MYO1H: variants seen among roughly 807,000 people sequenced by gnomAD.
MYO1H encodes the protein myosin IH.
A neutral mutation model predicts 149.3 loss-of-function variants in MYO1H; 118 were observed. The ratio of observed to expected loss-of-function variants is 0.79; its 90% CI spans 0.68 to 0.92. MYO1H has a LOEUF of 0.92. Among genes scored for constraint, MYO1H ranks in the 40% least tolerant of loss-of-function variants. The pLI is 0.00. For synonymous variants in MYO1H, 447 were observed against 465.2 expected (o/e 0.96, Z 0.50); for missense variants, 1,212 against 1,280.7 (o/e 0.95, Z 0.82).
At chr12:109,407,223 G>A (rs188531375) in intron 9 of MYO1H, among the ~76,000 whole-genome samples, 3 of 152,084 alleles carry the variant, frequency 2.0e-5, no homozygotes, top group East Asian at 1.9e-4. Context: ...CCACCTCTAC[G>A]TCAAAGCACC....
intron 1 of MYO1H, among the ~76,000 whole-genome samples, chr12:109,373,464 CATG>C (rs1869027339): frequency 1.3e-5 from 2 of 151,992 alleles, no homozygotes; most frequent in Admixed American, 6.6e-5. Context: ...TAATTTTTCA[CATG>C]ATCTATTGAT....
chr12:109,321,921 A>G, the MYO1H span, among the ~76,000 whole-genome samples: 1 of 151,916 alleles, frequency 6.6e-6, no homozygotes, highest in Non-Finnish European at 1.5e-5. Flanking sequence ...CCTTATGACC[A>G]CTCTCACCTC....
intron 9 of MYO1H, 94 bp from the exon 10 acceptor site, chr12:109,407,700 T>G (rs1319571673): frequency 1.5e-5 from 21 of 1,361,102 alleles, no homozygotes; most frequent in Non-Finnish European, 1.5e-5. Context: ...CCTGTCTCAT[T>G]ATTTTATTTT....
the MYO1H span, among the ~76,000 whole-genome samples, chr12:109,335,113 A>C: frequency 6.6e-6 from 1 of 152,214 alleles, no homozygotes; most frequent in African/African-American, 2.4e-5. Flanking sequence ...TCATGGCTGT[A>C]TAATAGTCTA....
At chr12:109,362,985 G>A (rs944920696) in intron 1 of MYO1H, among the ~76,000 whole-genome samples, 3 of 152,112 alleles carry the variant, frequency 2.0e-5, no homozygotes, top group African/African-American at 7.2e-5. Flanking sequence ...AGAGTCCCTC[G>A]TTCATAGCAC....
intron 22 of MYO1H, 110 bp from the exon 23 acceptor site, chr12:109,438,426 C>G (rs1871964362): frequency 1.3e-6 from 1 of 785,822 alleles, no homozygotes; most frequent in African/African-American, 1.7e-5. Flanking sequence ...TAACAGAGTG[C>G]TGCGGTGGGC....
intron 1 of MYO1H, among the ~76,000 whole-genome samples, chr12:109,376,741 C>T (rs1309118839): frequency 6.6e-6 from 1 of 152,180 alleles, no homozygotes; most frequent in East Asian, 1.9e-4. Context: ...CATCAGACAA[C>T]AATAAGCTGT....
rs1253548113 is a variant in MYO1H at position 109,443,353 on chromosome 12, T to TACAC, written c.2689-160_2689-159insCACA. On this transcript the variant is annotated intron_variant, in intron 27 of 31. Transcript: ENST00000310903. ...GTATGTGTACGTATATATGTGTGTATATACACACACACACACACACACACA... is the reference window on the plus strand; with the variant it reads ...GTATGTGTACGTATATATGTGTGTATACACATACACACACACACACACACACACA... 3.9e-4 allele frequency among the ~76,000 whole-genome samples: 36 copies of TACAC among 92,016 alleles called. 7 individuals carry two copies. The highest frequency in any genetic ancestry group is 2.3e-3 in the East Asian group (9 of 3,962). The allele number at this position is 92,016 out of a possible 152,430, so 60.4% of individuals were successfully genotyped here.
At position 109,375,156 on chromosome 12, in the gene MYO1H, A is replaced by ATT. The variant is rs71079553; in HGVS notation, c.13-13512_13-13511dup. Reference sequence around the variant, plus strand: ...AGGCGTAAGCCACCATGCCCGGCGGATTTTTTTTTTTTTTTTGACAAGGTC... The same window carrying ATT: ...AGGCGTAAGCCACCATGCCCGGCGGATTTTTTTTTTTTTTTTTTGACAAGGTC... On this transcript the variant is annotated intron_variant, in intron 1 of 31. Coordinates refer to ENST00000310903, the Ensembl canonical transcript of MYO1H. Among the ~76,000 whole-genome samples, 789 of 124,248 alleles carry ATT rather than the reference A, an allele frequency of 6.4e-3. 8 individuals carry two copies. The highest frequency in any genetic ancestry group is 0.011 in the Middle Eastern group (2 of 176). 81.5% of individuals were successfully genotyped at this position (124,248 alleles called of 152,430 possible).
intron 15 of MYO1H, among the ~76,000 whole-genome samples, chr12:109,418,916 GT>G (rs11315946): frequency 0.11 from 17,370 of 151,850 alleles, 1,508 homozygotes; most frequent in African/African-American, 0.24. Context: ...AGGTATTAGG[GT>G]TTTTTTTCTT....
intron 31 of MYO1H, chr12:109,446,328 C>T (rs755280484): frequency 5.3e-5 from 49 of 930,378 alleles, no homozygotes; most frequent in African/African-American, 9.2e-5. Flanking sequence ...TTGCTGAAAA[C>T]GACATGTTAA....
At chr12:109,332,222 T>C in the MYO1H span, among the ~76,000 whole-genome samples, 1 of 152,170 alleles carries the variant, frequency 6.6e-6, no homozygotes, top group Non-Finnish European at 1.5e-5. Context: ...AATGTAGTAT[T>C]TGGAAATTGC....
chr12:109,423,128 T>C (rs961684294), intron 16 of MYO1H, among the ~76,000 whole-genome samples: 2 of 152,046 alleles, frequency 1.3e-5, no homozygotes, highest in African/African-American at 4.8e-5. Context: ...GTGGTAAACA[T>C]ACATAACAAA....
At chr12:109,348,307 G>A (rs1322508020) in intron 1 of MYO1H, among the ~76,000 whole-genome samples, 2 of 152,198 alleles carry the variant, frequency 1.3e-5, no homozygotes, top group African/African-American at 4.8e-5. Context: ...GGCTATGTGT[G>A]ACTACTGAGT....
chr12:109,378,453 T>C (rs1044139928), intron 1 of MYO1H, among the ~76,000 whole-genome samples: 4 of 152,024 alleles, frequency 2.6e-5, no homozygotes, highest in Non-Finnish European at 5.9e-5. Context: ...CCCAAATAGA[T>C]GGTACCACAG....
At chr12:109,370,955 C>G (rs1868968653) in intron 1 of MYO1H, among the ~76,000 whole-genome samples, 1 of 152,114 alleles carries the variant, frequency 6.6e-6, no homozygotes, top group African/African-American at 2.4e-5. Context: ...ATGGCAGTTT[C>G]ATAACTGTAA....
At chr12:109,398,666 C>G (rs1414495069) in intron 5 of MYO1H, among the ~76,000 whole-genome samples, 1 of 141,456 alleles carries the variant, frequency 7.1e-6, no homozygotes, top group Non-Finnish European at 1.5e-5. Context: ...AGGAGAATTG[C>G]TTGAACCTGG....
At chr12:109,344,298 T>G (rs1026733928), upstream of MYO1H, among the ~76,000 whole-genome samples, 1 of 151,588 alleles carries the variant, frequency 6.6e-6, no homozygotes, top group East Asian at 1.9e-4. Flanking sequence ...TTCAGCAAGG[T>G]TGCAGGATAC....
chr12:109,416,706 C>T (rs73407542), intron 15 of MYO1H, among the ~76,000 whole-genome samples: 9,961 of 152,072 alleles, frequency 0.066, 364 homozygotes, highest in Non-Finnish European at 0.071. Flanking sequence ...TATGGTAACT[C>T]GGCCGGGTGT....
Sources: allele counts gnomAD v4.1 joint callset (sites outside exome capture counted in the v4.1 genomes callset), GRCh38; gene constraint gnomAD v4.1.1; transcripts MANE v1.5; gene names NCBI Gene and HGNC (gene_info 2026-07-23, HGNC 2026-07-21).